The following BRD2 variants were observed in gnomAD, a reference collection of about 807,000 sequenced individuals.
BRD2 encodes bromodomain containing 2.
Under a neutral mutation model 79.1 loss-of-function variants are expected in BRD2, and 15 were observed. The ratio of observed to expected loss-of-function variants is 0.19; its 90% CI spans 0.13 to 0.29. The LOEUF is 0.29. BRD2 is among the 10% of genes least tolerant of loss of function. BRD2 has a pLI of 1.00. For missense variants in BRD2, 1,053 were observed against 991.3 expected (o/e 1.06, Z -0.84); for synonymous variants, 488 against 358.6 (o/e 1.36, Z -4.08).
Position 32,972,422 on chromosome 6 carries a change from AC to A in BRD2, c.-472del. 6.8e-6 allele frequency: 2 copies of A among 293,236 alleles called. No individual in the cohort carries two copies. The highest frequency in any genetic ancestry group is 1.3e-5 in the Non-Finnish European group (2 of 152,326). 18.2% of individuals were successfully genotyped at this position (293,236 alleles called of 1,614,324 possible). ...CCCGCCCAATCCTCGGAGTCTGTCC[AC>A]CCCCTCTACTCCGCCCTCAAGAGGA... On this transcript the variant is annotated 5_prime_UTR_variant, in exon 2 of 13. The change abolishes the stop of an existing upstream ORF in the 5' untranslated region. Coordinates refer to ENST00000374825, the MANE Select transcript of BRD2 (RefSeq NM_005104.4).
At chr6:32,974,978 A>G (rs1044081928) in intron 3 of BRD2, 4 of 1,484,206 alleles carry the variant, frequency 2.7e-6, no homozygotes, top group East Asian at 4.9e-5. Context: ...TGTGCCCTCC[A>G]TGTGTCCTTC....
chr6:32,969,715 A>G (rs1033883518), intron 1 of BRD2, among the ~76,000 whole-genome samples: 8 of 152,128 alleles, frequency 5.3e-5, no homozygotes, highest in Admixed American at 3.3e-4. Context: ...TACAAGCTGA[A>G]AGCTTGAGGT....
intron 2 of BRD2, among the ~76,000 whole-genome samples, chr6:32,973,982 T>A (rs1265310475): frequency 6.6e-6 from 1 of 152,312 alleles, no homozygotes; most frequent in Admixed American, 6.5e-5. Flanking sequence ...GGTGGATTAT[T>A]CTGTGTCTTA....
chr6:32,973,207 T>C (rs1310997502), intron 2 of BRD2: 14 of 1,492,446 alleles, frequency 9.4e-6, no homozygotes, highest in Non-Finnish European at 1.1e-5. Context: ...GACGGTGGAG[T>C]GGAGTGAGGT....
rs1405580019 is a variant in BRD2, at chr6:32,979,439, G to A, written c.1842-389G>A. On this transcript the variant is annotated intron_variant, in intron 10 of 12. Coordinates refer to ENST00000374825, the MANE Select transcript of BRD2 (RefSeq NM_005104.4). ...GACCCATGTCAGTATACCTAAACAG[G>A]TATACCTTGTTTTATTGTGCTTCAC... is the stretch of plus-strand genomic sequence containing the variant. 7 of 229,830 alleles carry A rather than the reference G, an allele frequency of 3.0e-5. No individual in the cohort carries two copies. The Admixed American group carries it at 3.1e-4, about 10-fold the overall frequency. 14.2% of individuals were successfully genotyped at this position (229,830 alleles called of 1,614,324 possible).
intron 3 of BRD2, 129 bp downstream of exon 3, chr6:32,974,894 T>A: frequency 2.9e-6 from 4 of 1,394,470 alleles, no homozygotes; most frequent in Non-Finnish European, 3.9e-6. Flanking sequence ...GGCAGTTAGC[T>A]ACCAGATTTC....
rs754277245 is a variant in BRD2, at chr6:32,976,924, C to G, written c.1188C>G (p.Leu396=). ...ACATCATTAAGCACCCCATGGACCT[C>G]AGCACTGTCAAGGTACCCACTGCAT... ...YHDIIKHPMD[L]STVKRKMENR... Residue 396 remains leucine (L), a synonymous_variant, in exon 7 of 13, where the codon CTC becomes CTG. Transcript: ENST00000374825. 3.7e-5 allele frequency: 59 copies of G among 1,610,152 alleles called. No homozygotes were observed. In the Admixed American group the frequency reaches 9.7e-4, roughly 26 times the overall value.
chr6:32,972,845 G>C lies in BRD2; in HGVS notation c.-54G>C, dbSNP rs552660151. 6.2e-7 allele frequency: 1 copy of C among 1,613,438 alleles called. No individual in the cohort carries two copies. Among genetic ancestry groups the C allele is most frequent in the African/African-American group, 1.3e-5 (1 of 75,048 alleles). On this transcript the variant is annotated 5_prime_UTR_variant, in exon 2 of 13. Coordinates refer to ENST00000374825, the MANE Select transcript of BRD2 (RefSeq NM_005104.4). ...GCTGGACCGGGCGGTGAGGGGAACC[G>C]AGGCCACCCGGACTTTCCGCGGCTG...
In BRD2 at chr6:32,969,127, G is replaced by A. The variant is rs1777718528; in HGVS notation, c.-1305+71G>A. The A allele has an allele frequency of 5.6e-6, 3 of 539,916 alleles. 1 individual carries two copies. The Middle Eastern group carries it at 1.5e-3, about 266-fold the overall frequency. The allele number at this position is 539,916 out of a possible 1,614,324, so 33.4% of individuals were successfully genotyped here. A position where few individuals can be genotyped will look rare whatever the true frequency, so the allele number is the denominator to read the frequency against. ...ACCAATGGTGGGGAGTCCGGGAGGG[G>A]GATTCTTGGGGTTCAGGAAAGAATC... is the stretch of plus-strand genomic sequence containing the variant. On this transcript the variant is annotated intron_variant, in intron 1 of 12. Transcript: ENST00000374825.
chr6:32,972,918 C>A lies in BRD2; in HGVS notation c.20C>A (p.Pro7His). The A allele has an allele frequency of 5.6e-6, 9 of 1,614,034 alleles. No individual in the cohort carries two copies. Among genetic ancestry groups the A allele is most frequent in the Non-Finnish European group, 7.6e-6 (9 of 1,179,962 alleles). The change falls in exon 2 of 13, where the codon CCC becomes CAC. Residue 7 changes from proline (P) to histidine (H), a missense_variant. Physicochemically the swap from Pro to His is moderately conservative, Grantham distance 77 (BLOSUM62 -2). Transcript: ENST00000374825. ...GTCAAGATGCTGCAAAACGTGACTC[C>A]CCACAATAAGTACGTTTCCGCGAGC... Reference protein sequence around the residue: MLQNVTPHNKLPGEGNA... With the variant: MLQNVTHHNKLPGEGNA...
chr6:32,980,785 G>GC lies in BRD2; in HGVS notation c.*71dup, dbSNP rs550492304. ...ACCCCTAGACCACCCTGCCCCACCT[G>GC]CCCCTTCCCCCTTTGCTGTGACACT... On this transcript the variant is annotated 3_prime_UTR_variant, in exon 13 of 13. Coordinates refer to ENST00000374825, the MANE Select transcript of BRD2 (RefSeq NM_005104.4). 110 of 1,571,806 alleles carry GC rather than the reference G, an allele frequency of 7.0e-5. No homozygotes were observed. In the African/African-American group the frequency reaches 1.4e-3, roughly 20 times the overall value.
chr6:32,973,681 G>A (rs1053567905), intron 2 of BRD2, among the ~76,000 whole-genome samples: 2 of 152,102 alleles, frequency 1.3e-5, no homozygotes, highest in Non-Finnish European at 2.9e-5. Flanking sequence ...GTGCTACAGG[G>A]GGAACTGGTA....
chr6:32,979,343 G>A (rs1252160526), intron 10 of BRD2: 1 of 162,640 alleles, frequency 6.1e-6, no homozygotes. Flanking sequence ...CTCCCAAAGT[G>A]CTGGGATTAC....
At chr6:32,970,297 G>T (rs6903617) in intron 1 of BRD2, 3,689 of 152,498 alleles carry the variant, frequency 0.024, 66 homozygotes, top group South Asian at 0.039. Context: ...ACTTTTGGGG[G>T]CCAGGGCCTG....
intron 3 of BRD2, 119 bp from the exon 4 acceptor site, chr6:32,975,265 T>G: frequency 9.0e-7 from 1 of 1,111,854 alleles, no homozygotes; most frequent in Non-Finnish European, 1.3e-6. Flanking sequence ...TAAGTAACTG[T>G]TCCTTTGATG....
chr6:32,973,905 A>C (rs538492368), intron 2 of BRD2, among the ~76,000 whole-genome samples: 216 of 152,146 alleles, frequency 1.4e-3, no homozygotes, highest in Middle Eastern at 3.4e-3. Context: ...CTGGGTTTCT[A>C]GTCTATGTTC....
At chr6:32,972,989 G>C in intron 2 of BRD2, 62 bp downstream of exon 2, 1 of 1,613,878 alleles carries the variant, frequency 6.2e-7, no homozygotes, top group Non-Finnish European at 8.5e-7. Context: ...CAGGGGTGTG[G>C]GGCGCCGTGT....
In BRD2 at chr6:32,980,743, A is replaced by C. The variant is rs1342449290; in HGVS notation, c.*25A>C. 1 of 1,611,462 alleles carries C rather than the reference A, an allele frequency of 6.2e-7. No homozygotes were observed. ...AGGGGTCAGGCCAGATGGGGCAGGAAGGCTCCGCAGGACCGGACCCCTAGA... is the reference window on the plus strand; with the variant it reads ...AGGGGTCAGGCCAGATGGGGCAGGACGGCTCCGCAGGACCGGACCCCTAGA... On this transcript the variant is annotated 3_prime_UTR_variant, in exon 13 of 13. Coordinates refer to ENST00000374825, the MANE Select transcript of BRD2 (RefSeq NM_005104.4).
In BRD2 at chr6:32,976,279, C is replaced by G. The variant is rs775989054; in HGVS notation, c.640C>G (p.Gln214Glu). 6.2e-7 allele frequency: 1 copy of G among 1,613,084 alleles called. No homozygotes were observed. The highest frequency in any genetic ancestry group is 8.5e-7 in the Non-Finnish European group (1 of 1,180,020). ...ALQGSVTSAH[Q>E]VPAVSSVSHT... is the part of the protein sequence containing the mutation. ...CCAGGGCAGTGTTACCAGTGCCCAT[C>G]AGGTGCCTGCCGTCTCTTCTGTGTC... Residue 214 changes from glutamine to glutamate, a missense_variant, in exon 6 of 13, where the codon CAG becomes GAG. Transcript: ENST00000374825.
Sources: gnomAD v4.1 joint callset for allele counts (sites outside exome capture counted in the v4.1 genomes callset) on GRCh38, gnomAD v4.1.1 for gene constraint, MANE v1.5 for transcripts, NCBI Gene and HGNC (gene_info 2026-07-23, HGNC 2026-07-21) for gene names.